The following PLG variants were observed in gnomAD, a reference collection of about 807,000 sequenced individuals.
PLG encodes the protein plasminogen, also known as plasmin.
A neutral mutation model predicts 104.4 loss-of-function variants in PLG; 41 were observed. That is an observed-to-expected ratio of 0.39 (90% CI 0.31 to 0.51). PLG has a LOEUF of 0.51. Ranked by LOEUF, PLG falls within the 20% of genes least tolerant of loss-of-function variation. The pLI, the probability that PLG is intolerant of heterozygous loss-of-function variation, is 0.76. For missense variants in PLG, 891 were observed against 1,003.6 expected (o/e 0.89, Z 1.52); for synonymous variants, 337 against 357.1 (o/e 0.94, Z 0.63).
At position 160,726,111 on chromosome 6, in the gene PLG, C is replaced by A. The variant is rs1266346366; in HGVS notation, c.1256+3544C>A. Among the ~76,000 whole-genome samples the A allele has an allele frequency of 1.3e-5, 2 of 152,064 alleles. No homozygotes were observed. Among genetic ancestry groups the A allele is most frequent in the Non-Finnish European group, 2.9e-5 (2 of 67,946 alleles). On this transcript the variant is annotated intron_variant, in intron 10 of 18. Transcript: ENST00000308192. This position sits in a 1 kb window ranked among gnomAD's most constrained non-coding sequence, Gnocchi z 4.4. ...ATATATATGTTTTAAAGGAAATTGTCAACCTATTTAACACTATGCCAAACT... is the reference window on the plus strand; with the variant it reads ...ATATATATGTTTTAAAGGAAATTGTAAACCTATTTAACACTATGCCAAACT...
chr6:160,731,232 G>C lies in PLG; in HGVS notation c.1438G>C (p.Asp480His). 6.2e-7 allele frequency: 1 copy of C among 1,612,414 alleles called. No homozygotes were observed. Among genetic ancestry groups the C allele is most frequent in the Non-Finnish European group, 8.5e-7 (1 of 1,178,988 alleles). The change falls in exon 11 of 19, where the codon GAC becomes CAC. Residue 480 changes from aspartate (D) to histidine (H), a missense_variant and splice_region_variant. By Grantham distance (81) the Asp-to-His change is moderately conservative. Coordinates refer to ENST00000308192, the MANE Select transcript of PLG (RefSeq NM_000301.5). This position sits in a 1 kb window ranked among gnomAD's most constrained non-coding sequence, Gnocchi z 5.1. ...AGATGTAGAGACTCCTTCCGAAGAAGGTAAGAAATCTGTGGCTGGACATCT... is the reference window on the plus strand; with the variant it reads ...AGATGTAGAGACTCCTTCCGAAGAACGTAAGAAATCTGTGGCTGGACATCT... ...LPDVETPSEEDCMFGNGKGYR... is the reference protein window; with the variant it reads ...LPDVETPSEEHCMFGNGKGYR...
chr6:160,720,410 CT>C (rs3057066), intron 9 of PLG, among the ~76,000 whole-genome samples: 143 of 58,474 alleles, frequency 2.4e-3, no homozygotes, highest in South Asian at 8.7e-3. Flanking sequence ...CTTTTCTTTT[CT>C]TTTTTTTTTT....
Position 160,723,761 on chromosome 6 carries a change from G to C in PLG, c.1256+1194G>C, listed in dbSNP as rs372755225. ...GAAAGAAAAACTGCAGGGGAACAGT[G>C]AGCTCAATGGAGATGCCAGAGCTCA... On this transcript the variant is annotated intron_variant, in intron 10 of 18. Transcript: ENST00000308192. This position sits in a 1 kb window ranked among gnomAD's most constrained non-coding sequence, Gnocchi z 4.7. Among the ~76,000 whole-genome samples the C allele has an allele frequency of 2.0e-5, 3 of 152,188 alleles. No individual in the cohort carries two copies. The highest frequency in any genetic ancestry group is 2.9e-5 in the Non-Finnish European group (2 of 68,028).
rs1778140221 is a variant in PLG at position 160,739,069 on chromosome 6, TCCC to T, written c.1881_1883del (p.Pro628del). On this transcript the variant is annotated inframe_deletion and splice_region_variant, in exon 16 of 19. Coordinates refer to ENST00000308192, the MANE Select transcript of PLG (RefSeq NM_000301.5). This position sits in a 1 kb window ranked among gnomAD's most constrained non-coding sequence, Gnocchi z 4.4. ...TCTTGACGTCCTCATCTTTTCTAGG[TCCC>T]CAAGGCCTTCATCCTACAAGGTCAT... The T allele has an allele frequency of 6.2e-7, 1 of 1,613,918 alleles. No individual in the cohort carries two copies.
intron 10 of PLG, among the ~76,000 whole-genome samples, chr6:160,728,586 A>ATGGATGG (rs1777954593): frequency 6.6e-6 from 1 of 152,166 alleles, no homozygotes; most frequent in South Asian, 2.1e-4. Context: ...TGGTCCAGAA[A>ATGGATGG]CAGATCCACA....
At chr6:160,713,597 C>T (rs1418506541) in intron 5 of PLG, among the ~76,000 whole-genome samples, 1 of 152,150 alleles carries the variant, frequency 6.6e-6, no homozygotes, top group Non-Finnish European at 1.5e-5. Flanking sequence ...TAAAATGTTA[C>T]ATCAACATGT....
At chr6:160,748,313 A>AGAAG (rs1778310968) in intron 17 of PLG, among the ~76,000 whole-genome samples, 1 of 145,938 alleles carries the variant, frequency 6.9e-6, no homozygotes, top group Non-Finnish European at 1.5e-5. Flanking sequence ...TGAGAAAGAA[A>AGAAG]GAAAGAAGGA....
chr6:160,745,197 G>A (rs1414059478), intron 17 of PLG, among the ~76,000 whole-genome samples: 1 of 152,140 alleles, frequency 6.6e-6, no homozygotes, highest in Non-Finnish European at 1.5e-5. Context: ...TTCAGGTCCT[G>A]AATATCTTTG....
rs752962873 is a variant in PLG, at chr6:160,707,832, C to T, written c.292+26C>T. On this transcript the variant is annotated intron_variant, in intron 3 of 18. Coordinates refer to ENST00000308192, the MANE Select transcript of PLG (RefSeq NM_000301.5). The stretch of plus-strand genomic sequence containing the variant: ...GTGAGTACATTTTCTTCCTCCTCCT[C>T]CTACTGTCCTCCCCATCCTCCCACT... 1.8e-5 allele frequency: 27 copies of T among 1,479,794 alleles called. No individual in the cohort carries two copies. In the Admixed American group the frequency reaches 4.2e-4, roughly 23 times the overall value. The allele number at this position is 1,479,794 out of a possible 1,614,324, so 91.7% of individuals were successfully genotyped here.
Position 160,711,130 on chromosome 6 carries a change from T to C in PLG, c.346T>C (p.Ser116Pro). 1 of 1,611,496 alleles carries C rather than the reference T, an allele frequency of 6.2e-7. No individual in the cohort carries two copies. The highest frequency in any genetic ancestry group is 8.5e-7 in the Non-Finnish European group (1 of 1,177,714). ...TGGAAAGAACTACAGAGGGACGATG[T>C]CCAAAACAAAAAATGGCATCACCTG... ...GNGKNYRGTM[S>P]KTKNGITCQK... is the part of the protein sequence containing the mutation. Residue 116 changes from serine to proline, a missense_variant, in exon 4 of 19, where the codon TCC becomes CCC. Around this residue, in one of 2 missense-constraint regions of PLG, gnomAD observed 854 missense variants for 932.1 expected, o/e 0.92. Coordinates refer to ENST00000308192, the MANE Select transcript of PLG (RefSeq NM_000301.5).
chr6:160,716,528 T>G (rs1562374107), intron 6 of PLG, 117 bp from the exon 7 acceptor site: 2 of 748,344 alleles, frequency 2.7e-6, no homozygotes, highest in East Asian at 5.1e-5. Flanking sequence ...TCTGATTACC[T>G]CCTCCATGCC....
Position 160,702,878 on chromosome 6 carries a change from C to A in PLG, c.49+525C>A, listed in dbSNP as rs371931003. ...TCAGTATACGTTTGCCTCTTATCCC[C>A]GGAAAAATCACACGCATCCATTTGC... On this transcript the variant is annotated intron_variant, in intron 1 of 18. Coordinates refer to ENST00000308192, the MANE Select transcript of PLG (RefSeq NM_000301.5). 2.0e-5 allele frequency among the ~76,000 whole-genome samples: 3 copies of A among 152,176 alleles called. No homozygotes were observed. In the South Asian group the frequency reaches 6.2e-4, roughly 31 times the overall value.
At position 160,748,417 on chromosome 6, in the gene PLG, GGAAA is replaced by G. The variant is rs72017462; in HGVS notation, c.2126-3691_2126-3688del. Reference sequence around the variant, plus strand: ...GAAAGAAAGGAAGAAAGAAAGAAAGGGAAAGAAAGAGAACGAAAGAAAGAAGGGA... The same window carrying G: ...GAAAGAAAGGAAGAAAGAAAGAAAGGGAAAGAGAACGAAAGAAAGAAGGGA... On this transcript the variant is annotated intron_variant, in intron 17 of 18. Coordinates refer to ENST00000308192, the MANE Select transcript of PLG (RefSeq NM_000301.5). Among the ~76,000 whole-genome samples, 126 of 62,362 alleles carry G rather than the reference GGAAA, an allele frequency of 2.0e-3. 8 individuals are homozygous for G. The highest frequency in any genetic ancestry group is 8.0e-3 in the African/African-American group (125 of 15,544). The allele number at this position is 62,362 out of a possible 152,430, so 40.9% of individuals were successfully genotyped here. A position where few individuals can be genotyped will look rare whatever the true frequency, so the allele number is the denominator to read the frequency against.
At chr6:160,733,298 G>A (rs370997925) in intron 12 of PLG, among the ~76,000 whole-genome samples, 6 of 152,152 alleles carry the variant, frequency 3.9e-5, no homozygotes, top group African/African-American at 1.4e-4. Flanking sequence ...GCTTCATCGG[G>A]TAGGAGAGCG....
intron 10 of PLG, among the ~76,000 whole-genome samples, chr6:160,728,048 C>T (rs769076537): frequency 2.6e-5 from 4 of 151,786 alleles, no homozygotes; most frequent in Admixed American, 6.6e-5. Context: ...GCTTAATTAA[C>T]GGATGCAGAA....
rs1246114553 is a variant in PLG, at chr6:160,731,259, C to T, written c.1438+27C>T. ...TAAGAAATCTGTGGCTGGACATCTA[C>T]ACACTTGGACGCTGGGATGAAAAGC... On this transcript the variant is annotated intron_variant, in intron 11 of 18. Transcript: ENST00000308192. This position sits in a 1 kb window ranked among gnomAD's most constrained non-coding sequence, Gnocchi z 5.1. 2 of 1,576,084 alleles carry T rather than the reference C, an allele frequency of 1.3e-6. No homozygotes were observed. Among genetic ancestry groups the T allele is most frequent in the Non-Finnish European group, 8.7e-7 (1 of 1,145,360 alleles).
Position 160,732,044 on chromosome 6 carries a change from G to A in PLG, c.1587+151G>A. ...GAAAATATTGGAAAGGCATCAGGGG[G>A]CTAAGCTAGAATATAATTGGCCTTA... is the stretch of plus-strand genomic sequence containing the variant. On this transcript the variant is annotated intron_variant, in intron 12 of 18. Coordinates refer to ENST00000308192, the MANE Select transcript of PLG (RefSeq NM_000301.5). This position sits in a 1 kb window ranked among gnomAD's most constrained non-coding sequence, Gnocchi z 4.5. The A allele has an allele frequency of 2.4e-6, 2 of 825,522 alleles. No individual in the cohort carries two copies. Among genetic ancestry groups the A allele is most frequent in the Non-Finnish European group, 4.1e-6 (2 of 492,632 alleles). 51.1% of individuals were successfully genotyped at this position (825,522 alleles called of 1,614,324 possible). A position where few individuals can be genotyped will look rare whatever the true frequency, so the allele number is the denominator to read the frequency against.
At position 160,731,038 on chromosome 6, in the gene PLG, T is replaced by A. The variant is rs1777990892; in HGVS notation, c.1257-13T>A. On this transcript the variant is annotated splice_polypyrimidine_tract_variant and intron_variant, in intron 10 of 18. Coordinates refer to ENST00000308192, the MANE Select transcript of PLG (RefSeq NM_000301.5). This position sits in a 1 kb window ranked among gnomAD's most constrained non-coding sequence, Gnocchi z 5.1. ...CCCACCTCTTGTGACCTGTATTGTT[T>A]TGGAATTTCCAGTGGCCTGACAATG... is the stretch of plus-strand genomic sequence containing the variant. 6.2e-7 allele frequency: 1 copy of A among 1,613,584 alleles called. No homozygotes were observed. Among genetic ancestry groups the A allele is most frequent in the South Asian group, 1.1e-5 (1 of 91,056 alleles).
chr6:160,741,414 C>G lies in PLG; in HGVS notation c.2122C>G (p.Gln708Glu), dbSNP rs770942860. 3.8e-6 allele frequency: 6 copies of G among 1,592,658 alleles called. No individual in the cohort carries two copies. Among genetic ancestry groups the G allele is most frequent in the Non-Finnish European group, 5.2e-6 (6 of 1,160,420 alleles). The change falls in exon 17 of 19, where the codon CAA (glutamine) becomes GAA (glutamate). Residue 708 changes from glutamine (Q) to glutamate (E), a missense_variant. Transcript: ENST00000308192. The surrounding 1 kb of genome is among the most constrained non-coding windows in gnomAD (Gnocchi z 4.7). Reference protein sequence around the residue: ...ECFITGWGETQGTFGAGLLKE... With the variant: ...ECFITGWGETEGTFGAGLLKE... Reference sequence around the variant, plus strand: ...TTTCATCACTGGCTGGGGAGAAACCCAAGGTGAGATAAATTCCATTGCCCA... The same window carrying G: ...TTTCATCACTGGCTGGGGAGAAACCGAAGGTGAGATAAATTCCATTGCCCA...
Sources: allele counts gnomAD v4.1 joint callset (sites outside exome capture counted in the v4.1 genomes callset), GRCh38; gene constraint gnomAD v4.1.1; regional missense constraint gnomAD v4.1.1; non-coding constraint Gnocchi (gnomAD v3.1); transcripts MANE v1.5; gene names NCBI Gene and HGNC (gene_info 2026-07-23, HGNC 2026-07-21).